CADM2: variants seen among roughly 807,000 people sequenced by gnomAD.
The protein encoded by CADM2 is immunoglobulin superfamily member 4D.
CADM2 carries 12 observed loss-of-function variants against 49.8 expected under a neutral mutation model. The observed-to-expected ratio is 0.24, with a 90% CI of 0.15 to 0.39. CADM2 has a LOEUF of 0.39. Among genes scored for constraint, CADM2 ranks in the 10% least tolerant of loss-of-function variants. The pLI is 1.00. For missense variants in CADM2, 378 were observed against 492.3 expected (o/e 0.77, Z 2.20); for synonymous variants, 214 against 175.4 (o/e 1.22, Z -1.74).
intron 3 of CADM2, among the ~76,000 whole-genome samples, chr3:85,866,102 C>T (rs923692034): frequency 1.3e-5 from 2 of 152,172 alleles, no homozygotes; most frequent in African/African-American, 4.8e-5. Context: ...GGCGCCATTG[C>T]ACTCTTCTGG....
At chr3:85,541,979 G>C (rs2061560166) in intron 1 of CADM2, among the ~76,000 whole-genome samples, 1 of 151,620 alleles carries the variant, frequency 6.6e-6, no homozygotes, top group African/African-American at 2.4e-5. Flanking sequence ...TGAAAATATA[G>C]TGGCTCTCAC....
At chr3:86,023,609 C>A (rs903876083) in intron 8 of CADM2, among the ~76,000 whole-genome samples, 1 of 152,040 alleles carries the variant, frequency 6.6e-6, no homozygotes, top group Non-Finnish European at 1.5e-5. Flanking sequence ...CTGCCCGCCT[C>A]GGCCTCCCAA....
At chr3:85,868,613 C>T (rs1577517168) in intron 3 of CADM2, among the ~76,000 whole-genome samples, 2 of 152,114 alleles carry the variant, frequency 1.3e-5, no homozygotes, top group African/African-American at 4.8e-5. Flanking sequence ...GATGAAATTA[C>T]TCCTTTGTTT....
At chr3:85,926,180 A>C (rs1235850787) in intron 6 of CADM2, among the ~76,000 whole-genome samples, 1 of 147,578 alleles carries the variant, frequency 6.8e-6, no homozygotes, top group Non-Finnish European at 1.5e-5. Context: ...AAATAAATAG[A>C]AAATAGATAA....
At chr3:85,354,610 ATACCT>A (rs1394671482) in intron 1 of CADM2, among the ~76,000 whole-genome samples, 34 of 31,956 alleles carry the variant, frequency 1.1e-3, no homozygotes, top group Non-Finnish European at 1.6e-3. Context: ...ATTATAAAGA[ATACCT>A]AACAGAGAGA....
At chr3:85,235,358 G>T (rs796385782) in intron 1 of CADM2, among the ~76,000 whole-genome samples, 11 of 152,060 alleles carry the variant, frequency 7.2e-5, no homozygotes, top group Admixed American at 2.0e-4. Flanking sequence ...AAATAAATTT[G>T]TACTGCAAAC....
At chr3:85,325,237 T>C (rs2044717965) in intron 1 of CADM2, among the ~76,000 whole-genome samples, 1 of 152,214 alleles carries the variant, frequency 6.6e-6, no homozygotes, top group Non-Finnish European at 1.5e-5. Context: ...TTTCCATAAA[T>C]TGTTTTGAGA....
At chr3:85,220,818 A>T (rs2042028307) in intron 1 of CADM2, among the ~76,000 whole-genome samples, 1 of 149,386 alleles carries the variant, frequency 6.7e-6, no homozygotes, top group Non-Finnish European at 1.5e-5. Flanking sequence ...AAAAAAAAAA[A>T]TGGTTGTTTT....
At chr3:85,354,339 T>A (rs1405095978) in intron 1 of CADM2, among the ~76,000 whole-genome samples, 11 of 110,310 alleles carry the variant, frequency 1.0e-4, no homozygotes, top group African/African-American at 2.9e-4. Flanking sequence ...AACATCACAC[T>A]CCGGGGACTG....
intron 3 of CADM2, among the ~76,000 whole-genome samples, chr3:85,863,058 G>A (rs767458022): frequency 2.0e-5 from 3 of 152,192 alleles, no homozygotes; most frequent in Non-Finnish European, 2.9e-5. Flanking sequence ...TCAGTTAAAT[G>A]TATGGGTAAT....
At chr3:85,217,046 T>A (rs1170838631) in intron 1 of CADM2, among the ~76,000 whole-genome samples, 1 of 151,962 alleles carries the variant, frequency 6.6e-6, no homozygotes, top group Non-Finnish European at 1.5e-5. Context: ...TAAGATTCAC[T>A]AATGAACTGG....
chr3:85,611,435 C>T (rs1462375987), intron 1 of CADM2, among the ~76,000 whole-genome samples: 1 of 151,718 alleles, frequency 6.6e-6, no homozygotes, highest in East Asian at 1.9e-4. Flanking sequence ...AGTTGAGCAC[C>T]TGTTTTAAAA....
intron 1 of CADM2, among the ~76,000 whole-genome samples, chr3:85,283,090 A>G (rs576727335): frequency 1.8e-4 from 27 of 152,208 alleles, no homozygotes; most frequent in Middle Eastern, 3.5e-3. Context: ...ATTGAGATGT[A>G]TATTTACTGG....
chr3:85,431,037 C>T (rs2036637762), intron 1 of CADM2, among the ~76,000 whole-genome samples: 1 of 152,088 alleles, frequency 6.6e-6, no homozygotes, highest in East Asian at 1.9e-4. Flanking sequence ...TCATATACAA[C>T]AGTGGTCTCA....
intron 1 of CADM2, among the ~76,000 whole-genome samples, chr3:85,477,101 C>T (rs1473677657): frequency 6.6e-6 from 1 of 151,824 alleles, no homozygotes; most frequent in Non-Finnish European, 1.5e-5. Context: ...AGACTTTTGC[C>T]TGAAGGCATG....
At chr3:85,406,081 C>G (rs1449383538) in intron 1 of CADM2, among the ~76,000 whole-genome samples, 1 of 151,868 alleles carries the variant, frequency 6.6e-6, no homozygotes, top group Non-Finnish European at 1.5e-5. Context: ...AAATCACTTT[C>G]AAAAACATCT....
chr3:85,554,278 A>G (rs895627687), intron 1 of CADM2, among the ~76,000 whole-genome samples: 59 of 152,250 alleles, frequency 3.9e-4, no homozygotes, highest in African/African-American at 1.3e-3. Flanking sequence ...TGCTCCTATG[A>G]GAATCTAATG....
intron 1 of CADM2, among the ~76,000 whole-genome samples, chr3:85,324,466 A>T (rs1263022097): frequency 6.6e-6 from 1 of 152,138 alleles, no homozygotes; most frequent in Non-Finnish European, 1.5e-5. Flanking sequence ...CGTCTGAAAA[A>T]AGTACATCAC....
rs1184961098 is a variant in CADM2 at position 85,565,887 on chromosome 3, T to A, written c.62-160635T>A. Among the ~76,000 whole-genome samples, 3 of 152,074 alleles carry A rather than the reference T, an allele frequency of 2.0e-5. No individual in the cohort carries two copies. In the South Asian group the frequency reaches 6.2e-4, roughly 32 times the overall value. On this transcript the variant is annotated intron_variant, in intron 1 of 9. Coordinates refer to ENST00000383699, the MANE Select transcript of CADM2 (RefSeq NM_001167675.2). Reference sequence around the variant, plus strand: ...CATCGTTTTCTTTTAACTTACACTTTTTTTTTTGTTTAAGTACTCCAACTT... The same window carrying A: ...CATCGTTTTCTTTTAACTTACACTTATTTTTTTGTTTAAGTACTCCAACTT...
Sources: gnomAD v4.1 joint callset for allele counts (sites outside exome capture counted in the v4.1 genomes callset) on GRCh38, gnomAD v4.1.1 for gene constraint, MANE v1.5 for transcripts, NCBI Gene and HGNC (gene_info 2026-07-23, HGNC 2026-07-21) for gene names.